ITSN1: variants seen among roughly 807,000 people sequenced by gnomAD.
ITSN1 encodes intersectin-1.
A neutral mutation model predicts 239.8 loss-of-function variants in ITSN1; 58 were observed. The observed-to-expected ratio is 0.24, with a 90% CI of 0.20 to 0.30. The LOEUF (loss-of-function observed/expected upper bound fraction) is 0.30, where lower values mean the gene tolerates loss of function less well. Ranked by LOEUF, ITSN1 falls within the 10% of genes least tolerant of loss-of-function variation. The pLI is 1.00. For synonymous variants in ITSN1, 780 were observed against 770.8 expected (o/e 1.01, Z -0.20); for missense variants, 1,558 against 2,103.3 (o/e 0.74, Z 5.07).
At chr21:33,854,154 G>A (rs1178479248) in intron 29 of ITSN1, among the ~76,000 whole-genome samples, 1 of 152,196 alleles carries the variant, frequency 6.6e-6, no homozygotes, top group African/African-American at 2.4e-5. Context: ...ACATGTATTC[G>A]CTGCAGCAAG....
intron 5 of ITSN1, among the ~76,000 whole-genome samples, chr21:33,735,810 C>CA (rs1370938816): frequency 6.6e-6 from 1 of 151,978 alleles, no homozygotes. Flanking sequence ...CGAGACCAGC[C>CA]TGGTCAACAT....
At chr21:33,696,610 C>T (rs1188067509) in intron 1 of ITSN1, among the ~76,000 whole-genome samples, 2 of 152,128 alleles carry the variant, frequency 1.3e-5, no homozygotes, top group African/African-American at 4.8e-5. Flanking sequence ...TATTTCATTT[C>T]TTTTACTACC....
At chr21:33,766,997 G>GTC (rs71934743) in intron 10 of ITSN1, among the ~76,000 whole-genome samples, 28,588 of 151,602 alleles carry the variant, frequency 0.19, 3,843 homozygotes, top group African/African-American at 0.37. Flanking sequence ...GTGAAACCCC[G>GTC]TCTCTACTAA....
At chr21:33,643,528 C>G (rs558701033) in intron 1 of ITSN1, 1 of 152,044 alleles carries the variant, frequency 6.6e-6, no homozygotes, top group Admixed American at 6.6e-5. Flanking sequence ...TCGGAGATTA[C>G]ATTTCCTATG....
intron 27 of ITSN1, among the ~76,000 whole-genome samples, chr21:33,832,103 C>A (rs1291220224): frequency 1.3e-5 from 2 of 152,174 alleles, no homozygotes; most frequent in Non-Finnish European, 2.9e-5. Flanking sequence ...TCACGTCTTA[C>A]CGCTGAGCAA....
chr21:33,713,504 A>G, intron 1 of ITSN1, among the ~76,000 whole-genome samples: 1 of 118,074 alleles, frequency 8.5e-6, no homozygotes, highest in Admixed American at 9.9e-5. Flanking sequence ...GGCCTCCCAG[A>G]GTGCTGGGAT....
chr21:33,799,979 G>T (rs989111251), intron 19 of ITSN1, 50 bp downstream of exon 19: 3 of 1,569,604 alleles, frequency 1.9e-6, no homozygotes, highest in Non-Finnish European at 2.6e-6. Context: ...ATTAGCCTCT[G>T]TCCTCTTTTT....
intron 1 of ITSN1, among the ~76,000 whole-genome samples, chr21:33,660,979 C>T (rs993912447): frequency 3.9e-5 from 6 of 152,116 alleles, no homozygotes; most frequent in Admixed American, 1.3e-4. Flanking sequence ...ATCACAAAAT[C>T]GTGTTTGTTA....
At position 33,693,842 on chromosome 21, in the gene ITSN1, T is replaced by C. The variant is rs2091670036; in HGVS notation, c.-32-24955T>C. ...CAGGGTTATCTTATCTGATACAATG[T>C]GTACGAAAGGAGTAACTGTATCATA... On this transcript the variant is annotated intron_variant, in intron 1 of 39. Coordinates refer to ENST00000381318, the MANE Select transcript of ITSN1 (RefSeq NM_003024.3). 2.0e-5 allele frequency among the ~76,000 whole-genome samples: 3 copies of C among 152,370 alleles called. No homozygotes were observed. In the South Asian group the frequency reaches 6.2e-4, roughly 32 times the overall value.
intron 1 of ITSN1, chr21:33,643,899 AG>A (rs1416681257): frequency 6.6e-6 from 1 of 152,240 alleles, no homozygotes; most frequent in Non-Finnish European, 1.5e-5. Flanking sequence ...GTCAGCGGGG[AG>A]GCAGTTTTGC....
chr21:33,677,587 G>A (rs1017623616), intron 1 of ITSN1, among the ~76,000 whole-genome samples: 3 of 152,074 alleles, frequency 2.0e-5, no homozygotes, highest in Non-Finnish European at 2.9e-5. Context: ...TGATCCACCC[G>A]CCTAGGCCTC....
At position 33,892,412 on chromosome 21, in the gene ITSN1, AG is replaced by A. The variant is rs1986424495; in HGVS notation, c.*4113del. The A allele has an allele frequency of 6.6e-6, 1 of 152,246 alleles. No homozygotes were observed. Among genetic ancestry groups the A allele is most frequent in the African/African-American group, 2.4e-5 (1 of 41,466 alleles). The allele number at this position is 152,246 out of a possible 1,614,324, so 9.4% of individuals were successfully genotyped here. A position where few individuals can be genotyped will look rare whatever the true frequency, so the allele number is the denominator to read the frequency against. On this transcript the variant is annotated 3_prime_UTR_variant, in exon 40 of 40. Coordinates refer to ENST00000381318, the MANE Select transcript of ITSN1 (RefSeq NM_003024.3). ...CCCAGGGGCTGCTTAGTATATCATTAGAATGTTCATTCTCCTCCTTTTCCCT... is the reference window on the plus strand; with the variant it reads ...CCCAGGGGCTGCTTAGTATATCATTAAATGTTCATTCTCCTCCTTTTCCCT...
intron 5 of ITSN1, among the ~76,000 whole-genome samples, chr21:33,740,822 T>G (rs1216212302): frequency 6.6e-6 from 1 of 152,136 alleles, no homozygotes; most frequent in Non-Finnish European, 1.5e-5. Context: ...CGCAGCACTT[T>G]GGGAGGCCAA....
At chr21:33,704,422 T>C (rs1022945323) in intron 1 of ITSN1, among the ~76,000 whole-genome samples, 2 of 152,200 alleles carry the variant, frequency 1.3e-5, no homozygotes, top group African/African-American at 4.8e-5. Context: ...AACTACTTTG[T>C]GCCTCTTTGG....
chr21:33,868,752 G>A (rs755227483), intron 33 of ITSN1, among the ~76,000 whole-genome samples: 1 of 152,210 alleles, frequency 6.6e-6, no homozygotes, highest in Non-Finnish European at 1.5e-5. Flanking sequence ...GGCCAGCCCA[G>A]AAGGGGGCTC....
chr21:33,739,125 C>T (rs1365327366), intron 5 of ITSN1, among the ~76,000 whole-genome samples: 2 of 152,124 alleles, frequency 1.3e-5, no homozygotes, highest in African/African-American at 4.8e-5. Flanking sequence ...TGTTAACACA[C>T]TATAGAATTA....
At chr21:33,677,408 C>G (rs534706765) in intron 1 of ITSN1, among the ~76,000 whole-genome samples, 1 of 151,168 alleles carries the variant, frequency 6.6e-6, no homozygotes, top group Admixed American at 6.6e-5. Flanking sequence ...GGCATGATCT[C>G]GGCTCACTGC....
At chr21:33,819,190 G>T (rs567652534) in intron 23 of ITSN1, 51 bp from the exon 24 acceptor site, 2 of 1,389,058 alleles carry the variant, frequency 1.4e-6, no homozygotes, top group Non-Finnish European at 2.0e-6. Context: ...GTCATTGTAC[G>T]ATTTTCTTTG....
At chr21:33,773,534 T>C (rs2069347178) in intron 12 of ITSN1, among the ~76,000 whole-genome samples, 1 of 152,124 alleles carries the variant, frequency 6.6e-6, no homozygotes, top group Non-Finnish European at 1.5e-5. Flanking sequence ...CTGAGTGCTG[T>C]GCCTCAAGCC....
Sources: gnomAD v4.1 joint callset for allele counts (sites outside exome capture counted in the v4.1 genomes callset) on GRCh38, gnomAD v4.1.1 for gene constraint, MANE v1.5 for transcripts, NCBI Gene and HGNC (gene_info 2026-07-23, HGNC 2026-07-21) for gene names.